Variants in ST8SIA6 observed in about 807,000 individuals in gnomAD.
ST8SIA6 encodes the protein ST8 alpha-N-acetyl-neuraminide alpha-2,8-sialyltransferase 6, also known as alpha-2,8-sialyltransferase 8F.
ST8SIA6 carries 39 observed loss-of-function variants against 33.6 expected under a neutral mutation model. That is an observed-to-expected ratio of 1.16 (90% CI 0.90 to 1.52). The LOEUF is 1.52. Ranked by LOEUF, ST8SIA6 falls within the 40% of genes most tolerant of loss-of-function variation. The probability of loss-of-function intolerance (pLI) is 0.00; values close to 1 mark genes in which losing one functional copy is unlikely to be tolerated. For missense variants in ST8SIA6, 441 were observed against 443.8 expected (o/e 0.99, Z 0.06); for synonymous variants, 172 against 167.2 (o/e 1.03, Z -0.22).
chr10:17,336,820 C>T (rs1489684811), intron 4 of ST8SIA6, among the ~76,000 whole-genome samples: 2 of 152,036 alleles, frequency 1.3e-5, no homozygotes, highest in East Asian at 3.9e-4. Context: ...TCTCAAACTC[C>T]CGACCCTAGT....
chr10:17,415,545 C>T (rs921708129), intron 2 of ST8SIA6, among the ~76,000 whole-genome samples: 1 of 152,138 alleles, frequency 6.6e-6, no homozygotes, highest in African/African-American at 2.4e-5. Context: ...CTGCATCCCA[C>T]CCTTCCCCCT....
intron 4 of ST8SIA6, among the ~76,000 whole-genome samples, chr10:17,338,570 G>A (rs1433199486): frequency 6.6e-6 from 1 of 152,142 alleles, no homozygotes; most frequent in Non-Finnish European, 1.5e-5. Flanking sequence ...TGCTGGTAGC[G>A]TCTTGCTAAA....
At chr10:17,430,567 A>C (rs1327767398) in intron 2 of ST8SIA6, among the ~76,000 whole-genome samples, 1 of 151,976 alleles carries the variant, frequency 6.6e-6, no homozygotes, top group African/African-American at 2.4e-5. Context: ...ACTTTTTAAT[A>C]ATGTCCATTT....
At chr10:17,327,501 G>A (rs1037610391) in intron 5 of ST8SIA6, among the ~76,000 whole-genome samples, 2 of 152,134 alleles carry the variant, frequency 1.3e-5, no homozygotes, top group African/African-American at 4.8e-5. Flanking sequence ...GCGGAGAATT[G>A]CTTGAATCCA....
At chr10:17,377,694 T>G (rs187212179) in intron 3 of ST8SIA6, among the ~76,000 whole-genome samples, 44 of 152,270 alleles carry the variant, frequency 2.9e-4, no homozygotes, top group African/African-American at 1.0e-3. Flanking sequence ...AGAGCACTTT[T>G]CCCTCCCACT....
In ST8SIA6 at chr10:17,454,159, C is replaced by A. The variant is rs1318332317; in HGVS notation, c.97G>T (p.Ala33Ser). ...LWCPADAPGR[A>S]RILVEESREA... The stretch of plus-strand genomic sequence containing the variant: ...GCCGGCGGGTGGGTGGGTTACCTGG[C>A]GCGGCCGGGCGCGTCTGCCGGGCAC... Residue 33 changes from alanine to serine, a missense_variant, in exon 1 of 8, where the codon GCC (alanine) becomes TCC (serine). Coordinates refer to ENST00000377602, the MANE Select transcript of ST8SIA6 (RefSeq NM_001004470.3). This position sits in a 1 kb window ranked among gnomAD's most constrained non-coding sequence, Gnocchi z 4.1. 3.6e-6 allele frequency: 1 copy of A among 276,098 alleles called. No individual in the cohort carries two copies. The highest frequency in any genetic ancestry group is 6.7e-6 in the Non-Finnish European group (1 of 150,070). 17.1% of individuals were successfully genotyped at this position (276,098 alleles called of 1,614,324 possible).
Position 17,387,417 on chromosome 10 carries a change from C to T in ST8SIA6, c.290+3114G>A, listed in dbSNP as rs1850413326. ...CAGGCATGCGCCACCACACCCAGCT[C>T]ATTTTGTGTTTTTAGTCGGGGCGGT... On this transcript the variant is annotated intron_variant, in intron 3 of 7. Transcript: ENST00000377602. 2.8e-5 allele frequency among the ~76,000 whole-genome samples: 3 copies of T among 108,434 alleles called. No homozygotes were observed. The Admixed American group carries it at 4.5e-4, about 16-fold the overall frequency. The allele number at this position is 108,434 out of a possible 152,430, so 71.1% of individuals were successfully genotyped here.
chr10:17,425,218 T>G (rs1004839946), intron 2 of ST8SIA6, among the ~76,000 whole-genome samples: 1 of 152,144 alleles, frequency 6.6e-6, no homozygotes, highest in African/African-American at 2.4e-5. Context: ...GCAGGATACA[T>G]GTATACCTAT....
At chr10:17,322,900 G>C (rs1848002825) in intron 7 of ST8SIA6, among the ~76,000 whole-genome samples, 165 bp downstream of exon 7, 1 of 152,160 alleles carries the variant, frequency 6.6e-6, no homozygotes, top group South Asian at 2.1e-4. Flanking sequence ...AAACGACCTT[G>C]ATAGAATGCC....
At chr10:17,339,904 G>A (rs1385307905) in intron 4 of ST8SIA6, among the ~76,000 whole-genome samples, 1 of 152,148 alleles carries the variant, frequency 6.6e-6, no homozygotes, top group South Asian at 2.1e-4. Context: ...GAGAAGTGCT[G>A]GCTACACATT....
rs988737593 is a variant in ST8SIA6 at position 17,361,502 on chromosome 10, A to G, written c.291-1902T>C. Reference sequence around the variant, plus strand: ...ATTAATAATATTGATTTTGTAATTAAAATTCTTCCTACAAAACACACACAC... The same window carrying G: ...ATTAATAATATTGATTTTGTAATTAGAATTCTTCCTACAAAACACACACAC... On this transcript the variant is annotated intron_variant, in intron 3 of 7. Transcript: ENST00000377602. Among the ~76,000 whole-genome samples, 9 of 134,614 alleles carry G rather than the reference A, an allele frequency of 6.7e-5. No homozygotes were observed. In the Admixed American group the frequency reaches 7.4e-4, roughly 11 times the overall value. 88.3% of individuals were successfully genotyped at this position (134,614 alleles called of 152,430 possible).
At chr10:17,433,896 C>T (rs943506005) in intron 2 of ST8SIA6, among the ~76,000 whole-genome samples, 1 of 152,114 alleles carries the variant, frequency 6.6e-6, no homozygotes. Flanking sequence ...ATCCTGGGAC[C>T]CAGCCATCCC....
chr10:17,446,881 CAA>C (rs539808399), intron 2 of ST8SIA6, among the ~76,000 whole-genome samples: 2 of 133,570 alleles, frequency 1.5e-5, no homozygotes. Flanking sequence ...TGGTGTCTAC[CAA>C]AAAAAAAAAA....
intron 2 of ST8SIA6, among the ~76,000 whole-genome samples, chr10:17,418,475 G>T (rs1180498846): frequency 1.3e-5 from 2 of 152,052 alleles, no homozygotes; most frequent in Non-Finnish European, 2.9e-5. Flanking sequence ...TTTCAACAAG[G>T]TTACATACAT....
At chr10:17,321,382 A>C (rs1240286725) in intron 7 of ST8SIA6, 36 bp from the exon 8 acceptor site, 6 of 1,507,116 alleles carry the variant, frequency 4.0e-6, no homozygotes, top group Non-Finnish European at 5.4e-6. Flanking sequence ...TAATCCCAAG[A>C]ATAATAATCA....
chr10:17,381,504 C>G (rs1249138257), intron 3 of ST8SIA6, among the ~76,000 whole-genome samples: 1 of 151,886 alleles, frequency 6.6e-6, no homozygotes, highest in East Asian at 1.9e-4. Context: ...AATCAAATAC[C>G]AAAAAAGACT....
intron 2 of ST8SIA6, among the ~76,000 whole-genome samples, chr10:17,418,735 G>A (rs1193012431): frequency 2.0e-5 from 3 of 152,202 alleles, no homozygotes; most frequent in African/African-American, 7.2e-5. Context: ...GCTCATGCCT[G>A]TAATCCCAGC....
At chr10:17,343,000 A>G (rs900717000) in intron 4 of ST8SIA6, among the ~76,000 whole-genome samples, 21 of 152,182 alleles carry the variant, frequency 1.4e-4, no homozygotes, top group African/African-American at 5.1e-4. Context: ...ATGGCTCAAT[A>G]TGAGATGCTC....
chr10:17,373,873 T>C (rs1588854306), intron 3 of ST8SIA6, among the ~76,000 whole-genome samples: 1 of 152,174 alleles, frequency 6.6e-6, no homozygotes, highest in Non-Finnish European at 1.5e-5. Context: ...TAATCAACAT[T>C]GTAGTCTAGC....
Sources: allele counts gnomAD v4.1 joint callset (sites outside exome capture counted in the v4.1 genomes callset), GRCh38; gene constraint gnomAD v4.1.1; non-coding constraint Gnocchi (gnomAD v3.1); transcripts MANE v1.5; gene names NCBI Gene and HGNC (gene_info 2026-07-23, HGNC 2026-07-21).